The following ADAMTSL1 variants were observed in gnomAD, a reference collection of about 807,000 sequenced individuals.
ADAMTSL1 encodes ADAMTS-like protein 1.
ADAMTSL1 carries 126 observed loss-of-function variants against 201.8 expected under a neutral mutation model. The observed-to-expected ratio is 0.62, with a 90% CI of 0.54 to 0.72. ADAMTSL1 has a LOEUF of 0.72. ADAMTSL1 is among the 30% of genes least tolerant of loss of function. The pLI is 0.00. For synonymous variants in ADAMTSL1, 1,121 were observed against 903.4 expected (o/e 1.24, Z -4.32); for missense variants, 2,679 against 2,277.8 (o/e 1.18, Z -3.59).
Position 18,716,566 on chromosome 9 carries a change from A to G in ADAMTSL1, c.1877-4970A>G, listed in dbSNP as rs1392380278. The stretch of plus-strand genomic sequence containing the variant: ...CCATCTCACACCAGTTAGAATGGCA[A>G]TCATTAAAATGTCAGGAAACAATAG... On this transcript the variant is annotated intron_variant, in intron 14 of 28. Transcript: ENST00000380548. Among the ~76,000 whole-genome samples, 13 of 142,554 alleles carry G rather than the reference A, an allele frequency of 9.1e-5. 1 individual carries two copies. Among genetic ancestry groups the G allele is most frequent in the Non-Finnish European group, 1.2e-4 (8 of 65,224 alleles). The allele number at this position is 142,554 out of a possible 152,430, so 93.5% of individuals were successfully genotyped here.
chr9:18,070,323 T>G (rs1822907249), intron 1 of ADAMTSL1, among the ~76,000 whole-genome samples: 1 of 152,172 alleles, frequency 6.6e-6, no homozygotes, highest in Non-Finnish European at 1.5e-5. Flanking sequence ...TCGACATAGC[T>G]AAGAGCAGGA....
At chr9:18,526,222 T>G (rs1819035413) in intron 2 of ADAMTSL1, among the ~76,000 whole-genome samples, 1 of 152,198 alleles carries the variant, frequency 6.6e-6, no homozygotes. Context: ...CTTTTGATCT[T>G]TGTTGATTTA....
chr9:18,077,011 C>T lies in ADAMTSL1; in HGVS notation c.88-86851C>T, dbSNP rs370815053. On this transcript the variant is annotated intron_variant, in intron 1 of 29. Coordinates refer to the ADAMTSL1 transcript ENST00000680146. ...GAAAAAGGAAGGATACAGAATGACT[C>T]CCAGGTTCCTGGTGTCTTTAAACGT... Among the ~76,000 whole-genome samples, 7 of 152,202 alleles carry T rather than the reference C, an allele frequency of 4.6e-5. No homozygotes were observed. In the East Asian group the frequency reaches 7.7e-4, roughly 17 times the overall value.
intron 1 of ADAMTSL1, among the ~76,000 whole-genome samples, chr9:18,142,477 C>A (rs930744557): frequency 6.6e-6 from 1 of 152,188 alleles, no homozygotes; most frequent in Admixed American, 6.5e-5. Flanking sequence ...CTCCTTTGAT[C>A]TCCATGGAGG....
At chr9:18,386,824 T>C (rs1308588684) in intron 2 of ADAMTSL1, among the ~76,000 whole-genome samples, 1 of 152,204 alleles carries the variant, frequency 6.6e-6, no homozygotes, top group Non-Finnish European at 1.5e-5. Flanking sequence ...GCAATCTTTC[T>C]CACTTATTTT....
At chr9:18,405,518 A>G (rs1425415111) in intron 2 of ADAMTSL1, among the ~76,000 whole-genome samples, 3 of 152,232 alleles carry the variant, frequency 2.0e-5, no homozygotes, top group Admixed American at 6.5e-5. Flanking sequence ...GCAGATTCCA[A>G]TCAGGCCAAG....
At chr9:18,655,073 A>G (rs1432876728) in intron 7 of ADAMTSL1, among the ~76,000 whole-genome samples, 1 of 152,254 alleles carries the variant, frequency 6.6e-6, no homozygotes, top group Admixed American at 6.5e-5. Context: ...TCAGTGAGAG[A>G]AAGAAACTTA....
chr9:18,391,581 T>A (rs1031511396), intron 2 of ADAMTSL1, among the ~76,000 whole-genome samples: 4 of 152,052 alleles, frequency 2.6e-5, no homozygotes, highest in Non-Finnish European at 2.9e-5. Flanking sequence ...GTAACTGAAA[T>A]ATGGGATTAT....
chr9:17,941,574 T>A (rs893214891), intron 1 of ADAMTSL1, among the ~76,000 whole-genome samples: 2 of 152,136 alleles, frequency 1.3e-5, no homozygotes, highest in East Asian at 1.9e-4. Flanking sequence ...AAATTGACTC[T>A]CCTGTGTCCT....
At chr9:18,342,411 C>G (rs1835502448) in intron 2 of ADAMTSL1, among the ~76,000 whole-genome samples, 1 of 152,076 alleles carries the variant, frequency 6.6e-6, no homozygotes. Flanking sequence ...ATTTGGGCTA[C>G]ACAAATGGCA....
intron 3 of ADAMTSL1, among the ~76,000 whole-genome samples, chr9:18,537,733 G>T (rs1288378590): frequency 5.9e-5 from 9 of 151,936 alleles, no homozygotes; most frequent in African/African-American, 2.2e-4. Context: ...CCAAATATTA[G>T]CATGCTGGTG....
At chr9:18,131,164 G>A (rs1032938854) in intron 1 of ADAMTSL1, among the ~76,000 whole-genome samples, 21 of 152,128 alleles carry the variant, frequency 1.4e-4, no homozygotes, top group Admixed American at 1.4e-3. Flanking sequence ...CTAAGTCTTG[G>A]TGTCATTGGC....
At chr9:18,759,549 A>T (rs1012745295) in intron 16 of ADAMTSL1, among the ~76,000 whole-genome samples, 3 of 152,044 alleles carry the variant, frequency 2.0e-5, no homozygotes, top group African/African-American at 7.3e-5. Context: ...GGAGGAAAAA[A>T]CTCTTAGGAT....
intron 2 of ADAMTSL1, among the ~76,000 whole-genome samples, chr9:18,179,220 G>T (rs542834453): frequency 6.6e-6 from 1 of 152,128 alleles, no homozygotes; most frequent in Non-Finnish European, 1.5e-5. Context: ...CGAGAACTAC[G>T]TGAAGAATGC....
At chr9:18,865,187 CCG>C (rs1477963223) in intron 23 of ADAMTSL1, among the ~76,000 whole-genome samples, 2 of 152,000 alleles carry the variant, frequency 1.3e-5, no homozygotes, top group African/African-American at 2.4e-5. Context: ...CTATCCCTCC[CCG>C]CTCCCCCCAC....
intron 1 of ADAMTSL1, among the ~76,000 whole-genome samples, chr9:18,484,464 CT>C (rs1359070807): frequency 1.3e-5 from 2 of 152,106 alleles, no homozygotes; most frequent in African/African-American, 4.8e-5. Context: ...ACTTTTGCTT[CT>C]TTTTCCTGAA....
At chr9:18,230,083 C>T (rs977798916) in intron 2 of ADAMTSL1, among the ~76,000 whole-genome samples, 1 of 152,146 alleles carries the variant, frequency 6.6e-6, no homozygotes, top group African/African-American at 2.4e-5. Context: ...ATTTCCCACC[C>T]TCAAATAACT....
chr9:18,681,697 T>TGTGTGGGG (rs370940110), intron 11 of ADAMTSL1, 115 bp from the exon 12 acceptor site: 4,450 of 238,916 alleles, frequency 0.019, 160 homozygotes, highest in African/African-American at 0.058. Flanking sequence ...AGTCCTCGTG[T>TGTGTGGGG]GGGGGGGGGG....
chr9:18,543,099 C>T (rs111474370), intron 3 of ADAMTSL1, among the ~76,000 whole-genome samples: 1 of 152,168 alleles, frequency 6.6e-6, no homozygotes, highest in Non-Finnish European at 1.5e-5. Context: ...TGGCCAAATA[C>T]TTGATTGGAA....
Sources: gnomAD v4.1 joint callset for allele counts (sites outside exome capture counted in the v4.1 genomes callset) on GRCh38, gnomAD v4.1.1 for gene constraint, MANE v1.5 for transcripts, NCBI Gene and HGNC (gene_info 2026-07-23, HGNC 2026-07-21) for gene names.